The following RIGI variants were observed in gnomAD, a reference collection of about 807,000 sequenced individuals.
RIGI encodes the protein RNA sensor RIG-I.
At chr9:32,520,265 C>T in the RIGI span, among the ~76,000 whole-genome samples, 1 of 151,796 alleles carries the variant, frequency 6.6e-6, no homozygotes, top group Non-Finnish European at 1.5e-5. Flanking sequence ...AACCTAACCA[C>T]TTTAATACAA....
chr9:32,477,175 A>C, the RIGI span: 1 of 1,604,038 alleles, frequency 6.2e-7, no homozygotes, highest in East Asian at 2.2e-5. Flanking sequence ...AAATTCTAAA[A>C]ATTTAGAACA....
chr9:32,523,473 A>G, the RIGI span, among the ~76,000 whole-genome samples: 7 of 152,104 alleles, frequency 4.6e-5, no homozygotes, highest in African/African-American at 1.4e-4. Flanking sequence ...CACATTTCCT[A>G]TCTCAGAAAC....
the RIGI span, among the ~76,000 whole-genome samples, chr9:32,515,551 T>A: frequency 6.6e-6 from 1 of 152,230 alleles, no homozygotes; most frequent in Non-Finnish European, 1.5e-5. Flanking sequence ...ATAGACTGGA[T>A]TTGTGTGAAG....
the RIGI span, among the ~76,000 whole-genome samples, chr9:32,490,248 A>C: frequency 6.6e-6 from 1 of 152,278 alleles, no homozygotes; most frequent in Non-Finnish European, 1.5e-5. Context: ...GTGGTGGCAC[A>C]TGCCTGTGGT....
At chr9:32,482,523 A>G in the RIGI span, among the ~76,000 whole-genome samples, 11 of 152,262 alleles carry the variant, frequency 7.2e-5, no homozygotes, top group Non-Finnish European at 1.5e-4. Flanking sequence ...ATGAAGAAGT[A>G]AAAATAACAG....
the RIGI span, among the ~76,000 whole-genome samples, chr9:32,458,544 T>C: frequency 6.6e-6 from 1 of 152,240 alleles, no homozygotes; most frequent in African/African-American, 2.4e-5. Flanking sequence ...GTAGCATCTT[T>C]ACAATTCTGT....
chr9:32,517,658 A>G, the RIGI span, among the ~76,000 whole-genome samples: 77 of 152,342 alleles, frequency 5.1e-4, no homozygotes, highest in African/African-American at 1.8e-3. Flanking sequence ...TTATAAAGCT[A>G]TAAACCCAGT....
the RIGI span, among the ~76,000 whole-genome samples, chr9:32,491,070 G>C: frequency 6.6e-6 from 1 of 151,668 alleles, no homozygotes; most frequent in Non-Finnish European, 1.5e-5. Context: ...CTTAGTGGTA[G>C]AAGAAGAAAA....
the RIGI span, among the ~76,000 whole-genome samples, chr9:32,493,052 T>A: frequency 1.5e-4 from 23 of 152,202 alleles, no homozygotes; most frequent in Non-Finnish European, 1.3e-4. Flanking sequence ...GTAACATTAT[T>A]ATTTCCATTT....
the RIGI span, among the ~76,000 whole-genome samples, chr9:32,488,434 A>G: frequency 6.6e-6 from 1 of 152,218 alleles, no homozygotes; most frequent in Non-Finnish European, 1.5e-5. Context: ...GAGAGAAAAG[A>G]GTACGTAAAA....
the RIGI span, chr9:32,487,720 AG>A: frequency 6.7e-7 from 1 of 1,503,442 alleles, no homozygotes; most frequent in South Asian, 1.3e-5. Context: ...CTGCTGGGGT[AG>A]GGCGTTTTTT....
At chr9:32,513,955 C>T in the RIGI span, among the ~76,000 whole-genome samples, 16 of 152,112 alleles carry the variant, frequency 1.1e-4, no homozygotes, top group African/African-American at 2.2e-4. Context: ...ATTTATACCA[C>T]GAACAAACAT....
chr9:32,459,318 A>C, the RIGI span: 1 of 1,574,888 alleles, frequency 6.3e-7, no homozygotes, highest in Non-Finnish European at 8.6e-7. Flanking sequence ...ACCAACAGTA[A>C]GCTGTAGCTA....
chr9:32,478,191 G>A, the RIGI span, among the ~76,000 whole-genome samples: 12 of 151,782 alleles, frequency 7.9e-5, no homozygotes, highest in Admixed American at 3.9e-4. Context: ...TTACAGGTGC[G>A]TGCCACCATA....
At chr9:32,522,254 C>A in the RIGI span, among the ~76,000 whole-genome samples, 1 of 152,134 alleles carries the variant, frequency 6.6e-6, no homozygotes, top group African/African-American at 2.4e-5. Flanking sequence ...TTCTTTTAAG[C>A]TCTTCATAAC....
the RIGI span, chr9:32,487,872 G>A: frequency 2.6e-6 from 4 of 1,526,800 alleles, no homozygotes; most frequent in Non-Finnish European, 3.6e-6. Context: ...CTTCAGTGTG[G>A]CCATAAGAGT....
At chr9:32,459,517 A>C in the RIGI span, 2 of 1,600,730 alleles carry the variant, frequency 1.2e-6, no homozygotes, top group Non-Finnish European at 1.7e-6. Flanking sequence ...TGCAGAATCT[A>C]ATGCAAAAAG....
At chr9:32,471,071 A>G in the RIGI span, among the ~76,000 whole-genome samples, 4,885 of 152,330 alleles carry the variant, frequency 0.032, 290 homozygotes, top group African/African-American at 0.11. Context: ...CAGCCTGGCC[A>G]ACATGGCAAA....
At chr9:32,490,079 G>A in the RIGI span, among the ~76,000 whole-genome samples, 3 of 152,170 alleles carry the variant, frequency 2.0e-5, no homozygotes, top group African/African-American at 7.2e-5. Flanking sequence ...AAACTCACAC[G>A]AAAGACATGT....
Sources: allele counts gnomAD v4.1 joint callset (sites outside exome capture counted in the v4.1 genomes callset), GRCh38; gene constraint gnomAD v4.1.1; transcripts MANE v1.5; gene names NCBI Gene and HGNC (gene_info 2026-07-23, HGNC 2026-07-21).